The following SHISA9 variants were observed in gnomAD, a reference collection of about 807,000 sequenced individuals.
The protein encoded by SHISA9 is protein shisa-9.
SHISA9 carries 13 observed loss-of-function variants against 38.0 expected under a neutral mutation model. The ratio of observed to expected loss-of-function variants is 0.34; its 90% CI spans 0.22 to 0.54. SHISA9 has a LOEUF of 0.54. Ranked by LOEUF, SHISA9 falls within the 20% of genes least tolerant of loss-of-function variation. The pLI is 0.91. For missense variants in SHISA9, 538 were observed against 575.8 expected (o/e 0.93, Z 0.67); for synonymous variants, 275 against 242.0 (o/e 1.14, Z -1.27).
In SHISA9 at chr16:13,236,097, A is replaced by G. The variant is rs1201651781; in HGVS notation, c.*688A>G. The G allele has an allele frequency of 6.6e-6, 1 of 152,254 alleles. No individual in the cohort carries two copies. The highest frequency in any genetic ancestry group is 1.5e-5 in the Non-Finnish European group (1 of 68,138). The allele number at this position is 152,254 out of a possible 1,614,324, so 9.4% of individuals were successfully genotyped here. On this transcript the variant is annotated 3_prime_UTR_variant, in exon 5 of 5. Coordinates refer to ENST00000558583, the MANE Select transcript of SHISA9 (RefSeq NM_001145204.3). ...CACACCCTCAAACTCACAGAAAGTA[A>G]ATAGACCCTGAACCCACCGACAATG...
the SHISA9 span, among the ~76,000 whole-genome samples, chr16:13,543,352 T>C: frequency 1.3e-5 from 2 of 152,184 alleles, no homozygotes; most frequent in Non-Finnish European, 2.9e-5. Flanking sequence ...ACTTCAAGAG[T>C]AACTGACACA....
intron 2 of SHISA9, among the ~76,000 whole-genome samples, chr16:12,966,920 C>G (rs2071986970): frequency 6.6e-6 from 1 of 152,188 alleles, no homozygotes; most frequent in Non-Finnish European, 1.5e-5. Context: ...TTGCCTGATT[C>G]TAGCCATTCA....
chr16:13,122,464 T>A (rs974935063), intron 2 of SHISA9, among the ~76,000 whole-genome samples: 2 of 152,146 alleles, frequency 1.3e-5, no homozygotes, highest in African/African-American at 4.8e-5. Context: ...GCTGTGATGG[T>A]CAAGGGGGAA....
At chr16:13,023,736 A>T (rs1468343848) in intron 2 of SHISA9, among the ~76,000 whole-genome samples, 1 of 152,126 alleles carries the variant, frequency 6.6e-6, no homozygotes, top group Non-Finnish European at 1.5e-5. Context: ...ATGGTATCTC[A>T]TTGCGGTTTT....
chr16:13,361,018 C>G, the SHISA9 span, among the ~76,000 whole-genome samples: 2 of 152,190 alleles, frequency 1.3e-5, no homozygotes, highest in Non-Finnish European at 2.9e-5. Flanking sequence ...AATACCTGCA[C>G]CAAACTCCTT....
At chr16:13,037,478 A>C (rs2073088474) in intron 2 of SHISA9, among the ~76,000 whole-genome samples, 1 of 151,908 alleles carries the variant, frequency 6.6e-6, no homozygotes, top group Non-Finnish European at 1.5e-5. Context: ...GCAGTGAGGG[A>C]GAGTGCAAGT....
chr16:13,134,472 C>G (rs204017), intron 2 of SHISA9, among the ~76,000 whole-genome samples: 36,367 of 151,808 alleles, frequency 0.24, 4,434 homozygotes, highest in East Asian at 0.27. Flanking sequence ...TTATTTCTGC[C>G]TATGGAGAAG....
At chr16:13,209,097 A>G (rs184354325) in intron 3 of SHISA9, among the ~76,000 whole-genome samples, 45 of 152,308 alleles carry the variant, frequency 3.0e-4, no homozygotes, top group Admixed American at 2.9e-3. Flanking sequence ...GATAATAATG[A>G]TAACACACAG....
At chr16:13,518,303 C>T in the SHISA9 span, among the ~76,000 whole-genome samples, 1 of 151,976 alleles carries the variant, frequency 6.6e-6, no homozygotes, top group African/African-American at 2.4e-5. Context: ...CCACAAGAGC[C>T]AAAGGAGGCT....
chr16:13,505,446 C>T, the SHISA9 span, among the ~76,000 whole-genome samples: 1 of 152,200 alleles, frequency 6.6e-6, no homozygotes, highest in Non-Finnish European at 1.5e-5. Context: ...AATCATATCA[C>T]TCAGTCCAAT....
chr16:12,956,429 A>G (rs2071835897), intron 2 of SHISA9, among the ~76,000 whole-genome samples: 1 of 152,212 alleles, frequency 6.6e-6, no homozygotes, highest in South Asian at 2.1e-4. Context: ...ATCTGCATTC[A>G]TGTTTATTTC....
rs536862865 is a variant in SHISA9, at chr16:13,083,586, G to A, written c.692-119808G>A. Among the ~76,000 whole-genome samples, 21 of 152,266 alleles carry A rather than the reference G, an allele frequency of 1.4e-4. No homozygotes were observed. In the South Asian group the frequency reaches 4.4e-3, roughly 32 times the overall value. On this transcript the variant is annotated intron_variant, in intron 2 of 4. Coordinates refer to ENST00000558583, the MANE Select transcript of SHISA9 (RefSeq NM_001145204.3). ...GCTATTCTTCAGCCTGATTCCATGC[G>A]AAGCCCTAAGCATCAATTGCATCTC... is the stretch of plus-strand genomic sequence containing the variant.
chr16:13,456,058 T>C, the SHISA9 span, among the ~76,000 whole-genome samples: 1 of 152,164 alleles, frequency 6.6e-6, no homozygotes, highest in African/African-American at 2.4e-5. Context: ...CTGTTCTCCA[T>C]TGTCCTAGGA....
the SHISA9 span, among the ~76,000 whole-genome samples, chr16:13,377,458 T>G: frequency 2.6e-5 from 4 of 152,338 alleles, no homozygotes; most frequent in Middle Eastern, 0.014. Context: ...CAAAGAGGAT[T>G]GTCCCAATAT....
At chr16:13,455,497 G>C in the SHISA9 span, among the ~76,000 whole-genome samples, 1 of 152,352 alleles carries the variant, frequency 6.6e-6, no homozygotes, top group African/African-American at 2.4e-5. Flanking sequence ...TGGTGGATGA[G>C]AGAAGAGAGT....
the SHISA9 span, among the ~76,000 whole-genome samples, chr16:13,352,661 C>T: frequency 3.5e-5 from 4 of 114,758 alleles, no homozygotes; most frequent in African/African-American, 1.3e-4. Context: ...TGGGCGCAGG[C>T]GGGCTGAGTC....
At chr16:13,475,541 A>T in the SHISA9 span, among the ~76,000 whole-genome samples, 1 of 152,100 alleles carries the variant, frequency 6.6e-6, no homozygotes, top group Non-Finnish European at 1.5e-5. Context: ...AAACCAACTC[A>T]ATAGTCCCAT....
intron 2 of SHISA9, among the ~76,000 whole-genome samples, chr16:13,065,077 T>G (rs986732995): frequency 3.9e-5 from 6 of 152,232 alleles, no homozygotes; most frequent in African/African-American, 1.4e-4. Context: ...GGCCTTAGCT[T>G]AAGATATCTT....
chr16:13,553,510 C>T, the SHISA9 span, among the ~76,000 whole-genome samples: 1 of 152,112 alleles, frequency 6.6e-6, no homozygotes, highest in African/African-American at 2.4e-5. Flanking sequence ...ATCTTGTGTC[C>T]ATGTGACTTA....
Sources: gnomAD v4.1 joint callset for allele counts (sites outside exome capture counted in the v4.1 genomes callset) on GRCh38, gnomAD v4.1.1 for gene constraint, MANE v1.5 for transcripts, NCBI Gene and HGNC (gene_info 2026-07-23, HGNC 2026-07-21) for gene names.